Variants in FN1 observed in about 807,000 individuals in gnomAD.
The protein encoded by FN1 is fibronectin.
FN1 carries 106 observed loss-of-function variants against 297.3 expected under a neutral mutation model. The observed-to-expected ratio is 0.36, with a 90% CI of 0.30 to 0.42. FN1 has a LOEUF of 0.42. FN1 is among the 10% of genes least tolerant of loss of function. The pLI is 1.00. For missense variants in FN1, 2,690 were observed against 3,124.9 expected, an observed-to-expected ratio of 0.86 and a Z score of 3.32; for synonymous variants, 1,149 against 1,152.6, an observed-to-expected ratio of 1.00 and a Z score of 0.06.
At chr2:215,380,592 A>G (rs373464874) in intron 33 of FN1, 1 of 614,084 alleles carries the variant, frequency 1.6e-6, no homozygotes, top group Non-Finnish European at 2.9e-6. Context: ...GGTCTTGTGT[A>G]TAAGCCAGGA....
chr2:215,408,489 C>G, intron 15 of FN1, 63 bp from the exon 16 acceptor site: 1 of 1,508,654 alleles, frequency 6.6e-7, no homozygotes, highest in Non-Finnish European at 9.2e-7. Context: ...GACTCTACAG[C>G]TTATAAGAAG....
intron 43 of FN1, among the ~76,000 whole-genome samples, 160 bp from the exon 44 acceptor site, chr2:215,365,145 C>T (rs2054274029): frequency 6.6e-6 from 1 of 152,158 alleles, no homozygotes; most frequent in African/African-American, 2.4e-5. Context: ...CTATACAGAT[C>T]TTAGGGTGGC....
Position 215,397,868 on chromosome 2 carries a change from G to A in FN1, c.3349-20C>T, listed in dbSNP as rs188897740. On this transcript the variant is annotated intron_variant, in intron 21 of 45. Transcript: ENST00000354785. ...ACCCAGCTAGAGGAAGGAATGCAAA[G>A]TAAACACCAAGGACAAATATTTCCA... 6.2e-7 allele frequency: 1 copy of A among 1,612,478 alleles called. No homozygotes were observed. The highest frequency in any genetic ancestry group is 1.1e-5 in the South Asian group (1 of 91,062).
intron 13 of FN1, among the ~76,000 whole-genome samples, chr2:215,412,819 A>G (rs1176553342): frequency 1.1e-5 from 1 of 92,706 alleles, no homozygotes; most frequent in Non-Finnish European, 2.2e-5. Context: ...TCAATTCTCT[A>G]TTTTGAAAGA....
At chr2:215,392,607 G>T (rs541348149) in intron 25 of FN1, 1 of 362,182 alleles carries the variant, frequency 2.8e-6, no homozygotes. Context: ...TTTGGTATTC[G>T]TGTTTGGTAT....
intron 20 of FN1, among the ~76,000 whole-genome samples, chr2:215,401,179 G>T: frequency 7.3e-6 from 1 of 136,794 alleles, no homozygotes. Context: ...AAGAGAGAGA[G>T]AGTGAGAGAG....
At chr2:215,429,296 G>C (rs1206818687) in intron 5 of FN1, among the ~76,000 whole-genome samples, 1 of 152,236 alleles carries the variant, frequency 6.6e-6, no homozygotes, top group Admixed American at 6.5e-5. Flanking sequence ...CCCTCCACTG[G>C]AAGAGTGGGA....
chr2:215,392,773 T>A, intron 25 of FN1, 158 bp downstream of exon 25: 2 of 752,206 alleles, frequency 2.7e-6, no homozygotes, highest in Non-Finnish European at 4.6e-6. Context: ...CCAATCAGTT[T>A]AGCAGATGCA....
chr2:215,412,408 G>C (rs57588045), intron 13 of FN1, among the ~76,000 whole-genome samples: 41,556 of 151,806 alleles, frequency 0.27, 7,186 homozygotes, highest in East Asian at 0.92. Flanking sequence ...TATTTACAGA[G>C]TCTTTAATAT....
chr2:215,394,808 C>T (rs978783789), intron 23 of FN1, 89 bp from the exon 24 acceptor site: 35 of 1,010,722 alleles, frequency 3.5e-5, no homozygotes, highest in African/African-American at 2.1e-4. Flanking sequence ...ATTCACAGGG[C>T]GGAATGCAGG....
intron 5 of FN1, among the ~76,000 whole-genome samples, chr2:215,428,940 G>A (rs564365135): frequency 2.6e-5 from 4 of 152,138 alleles, no homozygotes; most frequent in East Asian, 3.9e-4. Context: ...GCTTGAACCC[G>A]GGAGGTGGAG....
At chr2:215,404,120 A>C (rs1258172573) in intron 20 of FN1, among the ~76,000 whole-genome samples, 1 of 152,240 alleles carries the variant, frequency 6.6e-6, no homozygotes, top group Admixed American at 6.5e-5. Context: ...TTCCTTCATC[A>C]AGAAAATCTG....
chr2:215,386,949 G>T lies in FN1; in HGVS notation c.4352C>A (p.Ser1451Tyr), dbSNP rs200328497. Residue 1451 changes from serine (S) to tyrosine (Y), a missense_variant, in exon 28 of 46, where the codon TCC becomes TAC. Transcript: ENST00000354785. Reference sequence around the variant, plus strand: ...ATCAGAAAAGTCAATGCCAGTTGGGGAATCAAGACCTGTTTTTCCCACCCG... The same window carrying T: ...ATCAGAAAAGTCAATGCCAGTTGGGTAATCAAGACCTGTTTTTCCCACCCG... ...LRGRQKTGLD[S>Y]PTGIDFSDIT... 6.2e-7 allele frequency: 1 copy of T among 1,611,178 alleles called. No homozygotes were observed. The highest frequency in any genetic ancestry group is 1.3e-5 in the African/African-American group (1 of 74,832).
chr2:215,426,860 A>AT (rs903873331), intron 6 of FN1, among the ~76,000 whole-genome samples: 2 of 151,552 alleles, frequency 1.3e-5, no homozygotes, highest in Non-Finnish European at 2.9e-5. Context: ...GACATTTATA[A>AT]TTTTTTTTAT....
rs539490300 is a variant in FN1 at position 215,431,980 on chromosome 2, C to T, written c.416-16G>A. 5.6e-5 allele frequency: 90 copies of T among 1,613,652 alleles called. No individual in the cohort carries two copies. Among genetic ancestry groups the T allele is most frequent in the South Asian group, 2.2e-4 (20 of 91,070 alleles). ...TGGCAGCGGTCTGTTGAAGATACAA[C>T]GAAAATGTTAGGAGAGGGCAGAACA... On this transcript the variant is annotated splice_polypyrimidine_tract_variant and intron_variant, in intron 3 of 45. Transcript: ENST00000354785.
chr2:215,435,413 GAATT>G (rs1202950736), intron 1 of FN1, among the ~76,000 whole-genome samples: 8 of 152,194 alleles, frequency 5.3e-5, no homozygotes, highest in African/African-American at 1.9e-4. Context: ...TGAACGTGCA[GAATT>G]TATTAGAACA....
Position 215,435,997 on chromosome 2 carries a change from C to T in FN1, c.-195G>A. On this transcript the variant is annotated 5_prime_UTR_variant, in exon 1 of 46. Transcript: ENST00000354785. ...ATGCAGAGGACCAGAGAAGTTGTGG[C>T]TGCAGGTCCCCTCTTCCCGCTCGCG... 1.6e-6 allele frequency: 2 copies of T among 1,243,538 alleles called. No homozygotes were observed. The highest frequency in any genetic ancestry group is 2.2e-6 in the Non-Finnish European group (2 of 928,616). 77.0% of individuals were successfully genotyped at this position (1,243,538 alleles called of 1,614,324 possible).
At chr2:215,432,295 C>A (rs2066662767) in intron 3 of FN1, among the ~76,000 whole-genome samples, 1 of 152,144 alleles carries the variant, frequency 6.6e-6, no homozygotes, top group African/African-American at 2.4e-5. Context: ...ACACAGCAGG[C>A]TAAGACTGAG....
At chr2:215,414,765 GA>G (rs770393659) in intron 13 of FN1, 71 bp downstream of exon 13, 46 of 1,599,220 alleles carry the variant, frequency 2.9e-5, no homozygotes, top group Non-Finnish European at 3.8e-5. Context: ...CAAAAGCTGG[GA>G]AAAAAAGAAA....
Sources: allele counts gnomAD v4.1 joint callset (sites outside exome capture counted in the v4.1 genomes callset), GRCh38; gene constraint gnomAD v4.1.1; transcripts MANE v1.5; gene names NCBI Gene and HGNC (gene_info 2026-07-23, HGNC 2026-07-21).